COL4A6: variants seen among roughly 807,000 people sequenced by gnomAD.
COL4A6 encodes collagen alpha-6(IV) chain.
In COL4A6, 59 loss-of-function variants were observed where a neutral mutation model predicts 126.7. The ratio of observed to expected loss-of-function variants is 0.47; its 90% confidence interval spans 0.38 to 0.58. The LOEUF is 0.58. Ranked by LOEUF, COL4A6 falls within the 20% of genes least tolerant of loss-of-function variation. The probability of loss-of-function intolerance (pLI) is 0.00; values close to 1 mark genes in which losing one functional copy is unlikely to be tolerated. For synonymous variants in COL4A6, 547 were observed against 496.6 expected (o/e 1.10, Z -1.35); for missense variants, 1,285 against 1,337.3 (o/e 0.96, Z 0.61).
intron 2 of COL4A6, among the ~76,000 whole-genome samples, chrX:108,378,422 C>A (rs2040490315): frequency 8.9e-6 from 1 of 111,996 alleles, no homozygotes; most frequent in Non-Finnish European, 1.9e-5. Context: ...TAAAAAGTCT[C>A]CAGTACATGT....
At chrX:108,272,524 A>G (rs1003542937) in intron 3 of COL4A6, among the ~76,000 whole-genome samples, 4 of 111,294 alleles carry the variant, frequency 3.6e-5, no homozygotes. Flanking sequence ...TCAAATTTCT[A>G]TCTCCCCATG....
rs768985382 is a variant in COL4A6 at position 108,221,281 on chromosome X, A to G, written c.238T>C (p.Phe80Leu). ...GLSGLKGERG[F>L]PGLLGPYGPK... is the part of the protein sequence containing the mutation. ...CCATAAGGTCCCAGAAGGCCTGGGA[A>G]ACCCCTTTCTCCTTTCAATCCCGAT... Residue 80 changes from phenylalanine (F) to leucine (L), a missense_variant, in exon 4 of 45, where the codon TTC becomes CTC. Coordinates refer to ENST00000334504, the MANE Select transcript of COL4A6 (RefSeq NM_033641.4). The G allele has an allele frequency of 1.9e-5, 23 of 1,210,130 alleles. No homozygotes were observed. The East Asian group carries it at 6.8e-4, about 36-fold the overall frequency.
chrX:108,395,773 T>TA (rs2040950015), intron 2 of COL4A6, among the ~76,000 whole-genome samples: 1 of 112,042 alleles, frequency 8.9e-6, no homozygotes, highest in South Asian at 3.7e-4. Context: ...ACAAAGATAG[T>TA]AAAAAATACA....
rs1490591437 is a variant in COL4A6 at position 108,170,899 on chromosome X, C to G, written c.3296G>C (p.Gly1099Ala). ...SGFKGTKGRD[G>A]LIGNIGFPGN... Reference sequence around the variant, plus strand: ...AGGGAAGCCTATATTGCCTATTAGTCCATCTCTTCCTTTTGTGCCTATAAA... The same window carrying G: ...AGGGAAGCCTATATTGCCTATTAGTGCATCTCTTCCTTTTGTGCCTATAAA... Residue 1099 changes from glycine to alanine, a missense_variant, in exon 34 of 45, where the codon GGA becomes GCA. Gly to Ala is a moderately conservative substitution (Grantham distance 60). Coordinates refer to ENST00000334504, the MANE Select transcript of COL4A6 (RefSeq NM_033641.4). 1 of 1,210,848 alleles carries G rather than the reference C, an allele frequency of 8.3e-7. No homozygotes were observed. The highest frequency in any genetic ancestry group is 1.1e-6 in the Non-Finnish European group (1 of 894,409).
At chrX:108,383,543 AGAAC>A (rs879242546) in intron 2 of COL4A6, 2 of 452,503 alleles carry the variant, frequency 4.4e-6, no homozygotes, top group East Asian at 7.7e-5. Context: ...GGCTTAGAAC[AGAAC>A]AAAGAGATGT....
At chrX:108,285,322 A>T (rs1569406891) in intron 3 of COL4A6, among the ~76,000 whole-genome samples, 1 of 112,196 alleles carries the variant, frequency 8.9e-6, no homozygotes, top group Non-Finnish European at 1.9e-5. Flanking sequence ...CTAGATTGTT[A>T]GTTGGCTATA....
chrX:108,169,391 C>T, intron 37 of COL4A6, 104 bp downstream of exon 37: 1 of 1,021,677 alleles, frequency 9.8e-7, no homozygotes, highest in Non-Finnish European at 1.3e-6. Context: ...GATGTGAAGA[C>T]ACTCACAGCC....
intron 2 of COL4A6, among the ~76,000 whole-genome samples, chrX:108,349,344 G>A (rs1232335785): frequency 9.0e-6 from 1 of 111,695 alleles, no homozygotes; most frequent in Non-Finnish European, 1.9e-5. Context: ...ATTACTCTGT[G>A]ATGTCTAAGG....
At chrX:108,298,126 C>T (rs1021118638) in intron 3 of COL4A6, among the ~76,000 whole-genome samples, 3 of 112,098 alleles carry the variant, frequency 2.7e-5, no homozygotes, top group African/African-American at 9.7e-5. Flanking sequence ...GCTCTGCCAA[C>T]TGTTCTGTGA....
chrX:108,217,609 T>C (rs911961557), intron 5 of COL4A6, among the ~76,000 whole-genome samples: 1 of 111,324 alleles, frequency 9.0e-6, no homozygotes, highest in Admixed American at 9.5e-5. Context: ...CATAGGGCTG[T>C]AGGCTGTAGG....
chrX:108,328,869 A>G lies in COL4A6; in HGVS notation c.64-18041T>C, dbSNP rs1433384695. On this transcript the variant is annotated intron_variant, in intron 2 of 44. Coordinates refer to ENST00000334504, the MANE Select transcript of COL4A6 (RefSeq NM_033641.4). ...TAAAATGTGGTACATATGTACATGG[A>G]GAAATGCTACTCAGCCATAAAAAGA... 5.4e-5 allele frequency among the ~76,000 whole-genome samples: 6 copies of G among 112,141 alleles called. No individual in the cohort carries two copies. In the Admixed American group the frequency reaches 5.7e-4, roughly 11 times the overall value.
intron 2 of COL4A6, among the ~76,000 whole-genome samples, chrX:108,412,420 C>T (rs1048404332): frequency 2.7e-5 from 3 of 111,627 alleles, no homozygotes; most frequent in Non-Finnish European, 5.6e-5. Flanking sequence ...CTTAACAAGT[C>T]TAAACTTATT....
chrX:108,208,206 A>G (rs937651445), intron 8 of COL4A6, among the ~76,000 whole-genome samples: 2 of 112,011 alleles, frequency 1.8e-5, no homozygotes, highest in African/African-American at 6.5e-5. Context: ...CTTCAAGTAG[A>G]AACAGTCAAA....
chrX:108,300,051 G>T (rs1383258647), intron 3 of COL4A6, among the ~76,000 whole-genome samples: 1 of 111,245 alleles, frequency 9.0e-6, no homozygotes, highest in African/African-American at 3.3e-5. Context: ...CTTTCTCCCT[G>T]GGCATCATAG....
At chrX:108,274,892 C>A (rs1294482610) in intron 3 of COL4A6, among the ~76,000 whole-genome samples, 1 of 111,314 alleles carries the variant, frequency 9.0e-6, no homozygotes, top group Non-Finnish European at 1.9e-5. Flanking sequence ...AGCACCTTTG[C>A]CATGTAACAT....
chrX:108,216,335 G>A (rs1255403393), intron 5 of COL4A6, among the ~76,000 whole-genome samples: 2 of 111,779 alleles, frequency 1.8e-5, no homozygotes, highest in East Asian at 2.8e-4. Context: ...TTAGACTTGT[G>A]CTCCAATCCC....
chrX:108,262,479 C>G (rs891765086), intron 3 of COL4A6, among the ~76,000 whole-genome samples: 3 of 110,999 alleles, frequency 2.7e-5, no homozygotes, highest in Non-Finnish European at 5.7e-5. Flanking sequence ...ATGTTTAAAC[C>G]AAATACATTA....
intron 2 of COL4A6, among the ~76,000 whole-genome samples, chrX:108,425,087 T>C (rs1252158621): frequency 9.0e-6 from 1 of 110,664 alleles, no homozygotes; most frequent in Non-Finnish European, 1.9e-5. Flanking sequence ...GTATGCACCA[T>C]TCAAATGGGT....
intron 5 of COL4A6, among the ~76,000 whole-genome samples, chrX:108,218,692 A>T (rs926661184): frequency 8.9e-6 from 1 of 111,755 alleles, no homozygotes; most frequent in African/African-American, 3.3e-5. Context: ...CCTTTTCCTG[A>T]CATTAGATTA....
Sources: allele counts gnomAD v4.1 joint callset (sites outside exome capture counted in the v4.1 genomes callset), GRCh38; gene constraint gnomAD v4.1.1; transcripts MANE v1.5; gene names NCBI Gene and HGNC (gene_info 2026-07-23, HGNC 2026-07-21).